The following PLXNA4 variants were observed in gnomAD, a reference collection of about 807,000 sequenced individuals.
PLXNA4 encodes plexin A4.
PLXNA4 carries 44 observed loss-of-function variants against 191.8 expected under a neutral mutation model. The observed-to-expected ratio is 0.23, with a 90% CI of 0.18 to 0.29. The LOEUF (loss-of-function observed/expected upper bound fraction) is 0.29, where lower values mean the gene tolerates loss of function less well. PLXNA4 is among the 10% of genes least tolerant of loss of function. The pLI, the probability that PLXNA4 is intolerant of heterozygous loss-of-function variation, is 1.00. For synonymous variants in PLXNA4, 1,082 were observed against 1,009.5 expected, an observed-to-expected ratio of 1.07 and a Z score of -1.36; for missense variants, 1,800 against 2,488.8, an observed-to-expected ratio of 0.72 and a Z score of 5.89.
chr7:132,260,674 T>C (rs1291782999), intron 4 of PLXNA4, among the ~76,000 whole-genome samples: 1 of 147,866 alleles, frequency 6.8e-6, no homozygotes, highest in Admixed American at 6.7e-5. Context: ...AAAATAAAAA[T>C]TAAAAAAAAA....
chr7:132,394,334 G>A (rs555761770), intron 3 of PLXNA4, among the ~76,000 whole-genome samples: 2 of 152,232 alleles, frequency 1.3e-5, no homozygotes, highest in African/African-American at 2.4e-5. Flanking sequence ...AGCTAATGAG[G>A]GGAGCAGGTG....
At chr7:132,617,745 G>A (rs1199170056) in intron 2 of PLXNA4, among the ~76,000 whole-genome samples, 1 of 152,174 alleles carries the variant, frequency 6.6e-6, no homozygotes. Context: ...ATAAGAAGAG[G>A]AGATTAGAAA....
chr7:132,179,104 GAC>G (rs1796598584), intron 20 of PLXNA4, among the ~76,000 whole-genome samples: 1 of 123,168 alleles, frequency 8.1e-6, no homozygotes, highest in African/African-American at 3.9e-5. Flanking sequence ...GCTTGTAAAT[GAC>G]ACACATACAC....
At chr7:132,233,087 A>T (rs1351291896) in intron 5 of PLXNA4, among the ~76,000 whole-genome samples, 1 of 152,208 alleles carries the variant, frequency 6.6e-6, no homozygotes, top group Non-Finnish European at 1.5e-5. Context: ...AGAATTGAGA[A>T]GATTGAAAAA....
At chr7:132,166,367 T>TTTTTTTTTTTTTTTTTTTTTTTTGAG (rs1796122855) in intron 22 of PLXNA4, among the ~76,000 whole-genome samples, 2 of 132,928 alleles carry the variant, frequency 1.5e-5, no homozygotes, top group Non-Finnish European at 1.8e-5. Context: ...TCTACTCTTT[T>TTTTTTTTTTTTTTTTTTTTTTTTGAG]ACTTTGGAAG....
In PLXNA4 at chr7:132,410,935, C is replaced by A. The variant is rs541898289; in HGVS notation, c.1371+78357G>T. Among the ~76,000 whole-genome samples the A allele has an allele frequency of 4.3e-4, 65 of 152,310 alleles. 1 individual carries two copies. Among genetic ancestry groups the A allele is most frequent in the African/African-American group, 1.5e-3 (61 of 41,574 alleles). ...GAGCCCCAGGAGATACCAGCCTGTACAGCAAGCCCCAGTCCTCAGTAGCAT... is the reference window on the plus strand; with the variant it reads ...GAGCCCCAGGAGATACCAGCCTGTAAAGCAAGCCCCAGTCCTCAGTAGCAT... On this transcript the variant is annotated intron_variant, in intron 3 of 31. Coordinates refer to ENST00000321063, the MANE Select transcript of PLXNA4 (RefSeq NM_020911.2).
intron 3 of PLXNA4, among the ~76,000 whole-genome samples, chr7:132,324,264 G>C (rs80347886): frequency 4.6e-5 from 7 of 152,058 alleles, no homozygotes; most frequent in Non-Finnish European, 5.9e-5. Flanking sequence ...AAGATCTGCC[G>C]GTTTGACACT....
chr7:132,211,956 A>T (rs370511041), intron 9 of PLXNA4, among the ~76,000 whole-genome samples: 1 of 152,158 alleles, frequency 6.6e-6, no homozygotes, highest in Non-Finnish European at 1.5e-5. Flanking sequence ...TGCTCTGCCC[A>T]GTTGAGTGGT....
chr7:132,280,375 G>GA (rs113076748), intron 4 of PLXNA4, among the ~76,000 whole-genome samples: 5 of 152,036 alleles, frequency 3.3e-5, no homozygotes, highest in African/African-American at 1.2e-4. Context: ...AGAAATGAAT[G>GA]AAAAATGGGA....
chr7:132,555,686 G>A (rs1442523761), intron 1 of PLXNA4, among the ~76,000 whole-genome samples: 1 of 152,210 alleles, frequency 6.6e-6, no homozygotes, highest in Non-Finnish European at 1.5e-5. Context: ...CAGCTGAGTA[G>A]CCAAGGCTTG....
chr7:132,166,723 G>A (rs1326303361), intron 22 of PLXNA4, among the ~76,000 whole-genome samples: 2 of 151,862 alleles, frequency 1.3e-5, no homozygotes, highest in African/African-American at 2.4e-5. Flanking sequence ...ACAAGGGGAG[G>A]AGACACAGAG....
chr7:132,281,710 T>G (rs575495841), intron 4 of PLXNA4, among the ~76,000 whole-genome samples: 11 of 152,178 alleles, frequency 7.2e-5, no homozygotes, highest in South Asian at 4.1e-4. Context: ...AAGTGTTTAT[T>G]TTTTCAAAGT....
intron 3 of PLXNA4, among the ~76,000 whole-genome samples, chr7:132,449,882 A>G (rs144763819): frequency 6.6e-6 from 1 of 152,372 alleles, no homozygotes; most frequent in East Asian, 1.9e-4. Flanking sequence ...CTTCTCAAAT[A>G]TTTTGGAAAA....
intron 22 of PLXNA4, among the ~76,000 whole-genome samples, chr7:132,167,997 T>A (rs1356273149): frequency 6.6e-6 from 1 of 151,996 alleles, no homozygotes; most frequent in Non-Finnish European, 1.5e-5. Context: ...GAAGATTCCA[T>A]GAGAGGAGAT....
At chr7:132,145,073 G>A (rs1795379452) in intron 29 of PLXNA4, 46 bp downstream of exon 29, 1 of 1,612,596 alleles carries the variant, frequency 6.2e-7, no homozygotes, top group East Asian at 2.2e-5. Context: ...TTGAGGCTGG[G>A]TGGGCTCAGG....
At chr7:132,611,336 C>T (rs969772016) in intron 2 of PLXNA4, among the ~76,000 whole-genome samples, 7 of 152,194 alleles carry the variant, frequency 4.6e-5, no homozygotes, top group Admixed American at 2.6e-4. Flanking sequence ...TTTTCTCCCC[C>T]TCAAAGTAAC....
At chr7:132,216,984 T>C (rs1797982398) in intron 9 of PLXNA4, among the ~76,000 whole-genome samples, 1 of 152,208 alleles carries the variant, frequency 6.6e-6, no homozygotes, top group South Asian at 2.1e-4. Flanking sequence ...CCCAACTCCC[T>C]CGGAGGCTGT....
At chr7:132,518,038 T>C (rs953181632) in intron 1 of PLXNA4, among the ~76,000 whole-genome samples, 2 of 152,172 alleles carry the variant, frequency 1.3e-5, no homozygotes, top group Non-Finnish European at 2.9e-5. Flanking sequence ...GTGGGAGCCA[T>C]GAATTATTTT....
intron 4 of PLXNA4, among the ~76,000 whole-genome samples, chr7:132,254,711 C>A (rs1799373006): frequency 6.6e-6 from 1 of 152,182 alleles, no homozygotes; most frequent in South Asian, 2.1e-4. Flanking sequence ...CCCCACCGGA[C>A]TGTAGTAGTA....
Sources: allele counts gnomAD v4.1 joint callset (sites outside exome capture counted in the v4.1 genomes callset), GRCh38; gene constraint gnomAD v4.1.1; transcripts MANE v1.5; gene names NCBI Gene and HGNC (gene_info 2026-07-23, HGNC 2026-07-21).